The following HPSE2 variants were observed in gnomAD, a reference collection of about 807,000 sequenced individuals.
The protein encoded by HPSE2 is inactive heparanase-2.
In HPSE2, 38 loss-of-function variants were observed where a neutral mutation model predicts 60.5. The ratio of observed to expected loss-of-function variants is 0.63; its 90% CI spans 0.48 to 0.82. The LOEUF is 0.82. Ranked by LOEUF, HPSE2 falls within the 40% of genes least tolerant of loss-of-function variation. HPSE2 has a pLI of 0.00. For missense variants in HPSE2, 713 were observed against 740.4 expected, an observed-to-expected ratio of 0.96 and a Z score of 0.43; for synonymous variants, 295 against 293.2, an observed-to-expected ratio of 1.01 and a Z score of -0.06.
the HPSE2 span, among the ~76,000 whole-genome samples, chr10:99,251,632 A>C: frequency 6.6e-6 from 1 of 152,202 alleles, no homozygotes; most frequent in African/African-American, 2.4e-5. Flanking sequence ...CAATAAGCTA[A>C]TTCACCATGA....
intron 6 of HPSE2, among the ~76,000 whole-genome samples, chr10:98,662,951 G>T (rs1027587645): frequency 1.3e-5 from 2 of 152,030 alleles, no homozygotes; most frequent in Admixed American, 1.3e-4. Context: ...AAACAATAAA[G>T]AACAACTTGA....
intron 2 of HPSE2, among the ~76,000 whole-genome samples, chr10:99,221,269 T>C (rs17111289): frequency 0.028 from 4,211 of 152,174 alleles, 195 homozygotes; most frequent in African/African-American, 0.096. Context: ...AAGCAACAAC[T>C]AGAAGTGGGA....
At chr10:99,123,849 G>C (rs1845058663) in intron 3 of HPSE2, among the ~76,000 whole-genome samples, 1 of 152,054 alleles carries the variant, frequency 6.6e-6, no homozygotes, top group Non-Finnish European at 1.5e-5. Context: ...ACCTTCAGTG[G>C]GTAGCTCATA....
intron 2 of HPSE2, among the ~76,000 whole-genome samples, chr10:99,207,940 A>T (rs1240701771): frequency 6.6e-6 from 1 of 151,224 alleles, no homozygotes; most frequent in Non-Finnish European, 1.5e-5. Context: ...TTAATTTATA[A>T]ATTAGGCACA....
intron 2 of HPSE2, among the ~76,000 whole-genome samples, chr10:99,190,653 G>A (rs111998003): frequency 1.2e-4 from 19 of 152,248 alleles, no homozygotes; most frequent in Admixed American, 7.2e-4. Context: ...GAGCAAGATG[G>A]CCAAATAGAA....
chr10:98,495,637 C>A (rs933325267), intron 9 of HPSE2, among the ~76,000 whole-genome samples: 1 of 152,014 alleles, frequency 6.6e-6, no homozygotes, highest in African/African-American at 2.4e-5. Flanking sequence ...ATTCTCTCTT[C>A]TGACTGCTCC....
chr10:98,878,499 G>A (rs1183651202), intron 3 of HPSE2, among the ~76,000 whole-genome samples: 3 of 151,896 alleles, frequency 2.0e-5, no homozygotes, highest in African/African-American at 7.2e-5. Flanking sequence ...TTGGCTAAGG[G>A]TAAAAGAATG....
At chr10:98,758,002 A>G (rs913983577) in intron 3 of HPSE2, among the ~76,000 whole-genome samples, 1 of 152,116 alleles carries the variant, frequency 6.6e-6, no homozygotes, top group Non-Finnish European at 1.5e-5. Flanking sequence ...AAATAGGCCA[A>G]TGGAATGGTT....
intron 3 of HPSE2, among the ~76,000 whole-genome samples, chr10:99,005,169 TTACCTA>T: frequency 6.6e-6 from 1 of 152,280 alleles, no homozygotes; most frequent in South Asian, 2.1e-4. Flanking sequence ...TGACCTTCTT[TTACCTA>T]GATCTCTGGA....
At chr10:99,011,373 T>C (rs1304102449) in intron 3 of HPSE2, among the ~76,000 whole-genome samples, 2 of 152,134 alleles carry the variant, frequency 1.3e-5, no homozygotes, top group East Asian at 3.9e-4. Flanking sequence ...AATAAAATCT[T>C]CTTGAAATTT....
chr10:99,013,369 C>T (rs1957061450), intron 3 of HPSE2: 3 of 589,286 alleles, frequency 5.1e-6, no homozygotes, highest in South Asian at 4.7e-5. Flanking sequence ...CTGTTCACAG[C>T]AACTATACAG....
intron 2 of HPSE2, among the ~76,000 whole-genome samples, chr10:99,191,873 T>C (rs1297057006): frequency 6.6e-6 from 1 of 151,938 alleles, no homozygotes; most frequent in East Asian, 1.9e-4. Context: ...CTCCAAGAAA[T>C]TCAAGATGAC....
chr10:99,054,001 G>A (rs1309485616), intron 3 of HPSE2, among the ~76,000 whole-genome samples: 1 of 151,854 alleles, frequency 6.6e-6, no homozygotes, highest in East Asian at 1.9e-4. Flanking sequence ...CTCCCAAAGT[G>A]CTAGGATTAT....
chr10:99,266,159 C>T, the HPSE2 span, among the ~76,000 whole-genome samples: 10 of 152,124 alleles, frequency 6.6e-5, no homozygotes, highest in African/African-American at 1.7e-4. Context: ...GAATCGCCAG[C>T]GCAGACACAG....
At chr10:98,693,501 A>G (rs534387766) in intron 6 of HPSE2, among the ~76,000 whole-genome samples, 4 of 152,280 alleles carry the variant, frequency 2.6e-5, no homozygotes, top group African/African-American at 9.6e-5. Flanking sequence ...ATATAACAAA[A>G]TGTTTCTATT....
intron 5 of HPSE2, among the ~76,000 whole-genome samples, chr10:98,713,080 GT>G (rs1266430620): frequency 6.6e-6 from 1 of 152,054 alleles, no homozygotes; most frequent in Non-Finnish European, 1.5e-5. Context: ...GAAGAAACCA[GT>G]CATGTGGGGA....
At chr10:98,828,972 T>C (rs531628124) in intron 3 of HPSE2, among the ~76,000 whole-genome samples, 5 of 51,528 alleles carry the variant, frequency 9.7e-5, no homozygotes, top group African/African-American at 4.8e-4. Context: ...GGCAGATGAA[T>C]GAATTAAAAA....
chr10:98,919,320 G>A (rs1412529738), intron 3 of HPSE2, among the ~76,000 whole-genome samples: 5 of 152,180 alleles, frequency 3.3e-5, no homozygotes. Context: ...AGTTAGCAAA[G>A]TGGACATAGA....
At chr10:98,494,345 CTGTTT>C (rs1337032071) in intron 9 of HPSE2, among the ~76,000 whole-genome samples, 1 of 152,126 alleles carries the variant, frequency 6.6e-6, no homozygotes, top group Non-Finnish European at 1.5e-5. Context: ...CAACTTAGAA[CTGTTT>C]AAAAGAGGCA....
Sources: allele counts gnomAD v4.1 joint callset (sites outside exome capture counted in the v4.1 genomes callset), GRCh38; gene constraint gnomAD v4.1.1; transcripts MANE v1.5; gene names NCBI Gene and HGNC (gene_info 2026-07-23, HGNC 2026-07-21).